Variants in ENTPD5 observed in about 807,000 individuals in gnomAD.
ENTPD5 encodes the protein nucleoside diphosphate phosphatase ENTPD5.
ENTPD5 carries 49 observed loss-of-function variants against 60.2 expected under a neutral mutation model. The ratio of observed to expected loss-of-function variants is 0.81; its 90% CI spans 0.65 to 1.03. The LOEUF (loss-of-function observed/expected upper bound fraction) is 1.03, where lower values mean the gene tolerates loss of function less well. Among genes scored for constraint, ENTPD5 ranks in the 50% least tolerant of loss-of-function variants. The probability of loss-of-function intolerance (pLI) is 0.00; values close to 1 mark genes in which losing one functional copy is unlikely to be tolerated. For synonymous variants in ENTPD5, 187 were observed against 185.4 expected, an observed-to-expected ratio of 1.01 and a Z score of -0.07; for missense variants, 480 against 507.6, an observed-to-expected ratio of 0.95 and a Z score of 0.52.
At chr14:73,980,991 C>T (rs1307333466) in intron 6 of ENTPD5, among the ~76,000 whole-genome samples, 1 of 151,810 alleles carries the variant, frequency 6.6e-6, no homozygotes, top group Non-Finnish European at 1.5e-5. Flanking sequence ...CCCAGCTACT[C>T]GGGAAGCTGA....
intron 6 of ENTPD5, 77 bp from the exon 7 acceptor site, chr14:73,977,451 G>T: frequency 8.9e-7 from 1 of 1,122,860 alleles, no homozygotes. Context: ...ACAGTGTCCT[G>T]TAAGACTTAG....
At chr14:73,981,080 C>A (rs918522186) in intron 6 of ENTPD5, among the ~76,000 whole-genome samples, 5 of 151,880 alleles carry the variant, frequency 3.3e-5, no homozygotes, top group Non-Finnish European at 7.4e-5. Flanking sequence ...GCCTGGGCGA[C>A]AGAGCAAGTC....
At chr14:74,015,186 C>G (rs191419084) in intron 2 of ENTPD5, among the ~76,000 whole-genome samples, 1 of 152,080 alleles carries the variant, frequency 6.6e-6, no homozygotes, top group African/African-American at 2.4e-5. Flanking sequence ...AAGTTGTTCA[C>G]TTAGACTGAT....
downstream of ENTPD5, chr14:73,955,807 G>GT: frequency 6.2e-7 from 1 of 1,614,158 alleles, no homozygotes; most frequent in Non-Finnish European, 8.5e-7. Context: ...GTTTCCAGGT[G>GT]TGGGACGCCT....
chr14:73,982,970 A>C (rs1379182922), intron 6 of ENTPD5, 48 bp downstream of exon 6: 2 of 1,587,602 alleles, frequency 1.3e-6, no homozygotes, highest in South Asian at 2.3e-5. Context: ...TAAAGTATTC[A>C]TATAGGGAAA....
chr14:73,973,954 C>T lies in ENTPD5; in HGVS notation c.809G>A (p.Ser270Asn). ...TEGTDGHTFR[S>N]ACLPRWLEAE... is the part of the protein sequence containing the mutation. Reference sequence around the variant, plus strand: ...TTCCAACCATCTCGGTAAACAGGCACTCCGGAAAGTGTGCCCATCAGTCCC... The same window carrying T: ...TTCCAACCATCTCGGTAAACAGGCATTCCGGAAAGTGTGCCCATCAGTCCC... The change falls in exon 12 of 16, where the codon AGT (serine) becomes AAT (asparagine). Residue 270 changes from serine to asparagine, a missense_variant. Ser to Asn is a conservative substitution (Grantham distance 46). Coordinates refer to ENST00000334696, the MANE Select transcript of ENTPD5 (RefSeq NM_001249.5). 6.2e-7 allele frequency: 1 copy of T among 1,614,120 alleles called. No homozygotes were observed.
intron 1 of ENTPD5, among the ~76,000 whole-genome samples, chr14:74,018,121 G>A (rs1430082611): frequency 6.6e-6 from 1 of 151,568 alleles, no homozygotes; most frequent in Non-Finnish European, 1.5e-5. Context: ...GGTGGAGGTT[G>A]CAGGGAGCCG....
intron 5 of ENTPD5, among the ~76,000 whole-genome samples, chr14:73,984,918 GC>G (rs2057838541): frequency 6.6e-6 from 1 of 152,072 alleles, no homozygotes; most frequent in South Asian, 2.1e-4. Context: ...CCCACGACAG[GC>G]CCCGGTGTGT....
At chr14:73,995,518 C>T (rs2058311050) in intron 3 of ENTPD5, among the ~76,000 whole-genome samples, 1 of 151,490 alleles carries the variant, frequency 6.6e-6, no homozygotes, top group Non-Finnish European at 1.5e-5. Context: ...TGATCGGGCA[C>T]AGTGGCTCAC....
At chr14:74,013,817 T>C (rs1268651787) in intron 2 of ENTPD5, among the ~76,000 whole-genome samples, 1 of 152,204 alleles carries the variant, frequency 6.6e-6, no homozygotes, top group East Asian at 1.9e-4. Context: ...GTTATACAGT[T>C]GGTATTCATT....
intron 3 of ENTPD5, among the ~76,000 whole-genome samples, chr14:74,007,181 G>A (rs1048226833): frequency 6.6e-6 from 1 of 151,958 alleles, no homozygotes; most frequent in South Asian, 2.1e-4. Flanking sequence ...GAGCCTAGAA[G>A]TTCAAGGCCA....
At chr14:74,017,520 G>A (rs2059062666) in intron 1 of ENTPD5, among the ~76,000 whole-genome samples, 1 of 151,620 alleles carries the variant, frequency 6.6e-6, no homozygotes, top group Non-Finnish European at 1.5e-5. Context: ...GGAGGTTGCG[G>A]TGAGCCGAGA....
At chr14:73,986,626 C>T in intron 5 of ENTPD5, 188 bp downstream of exon 5, 3 of 576,892 alleles carry the variant, frequency 5.2e-6, no homozygotes, top group Non-Finnish European at 9.3e-6. Flanking sequence ...TTCTAGCCTT[C>T]TTCCACCCAG....
At chr14:73,962,034 G>A (rs2056761885), downstream of ENTPD5, 1 of 1,062,128 alleles carries the variant, frequency 9.4e-7, no homozygotes, top group Non-Finnish European at 1.4e-6. Flanking sequence ...TGCAGCCTCT[G>A]CCTCCCAGGT....
downstream of ENTPD5, chr14:73,960,591 TCATTCAC>T: frequency 9.6e-7 from 1 of 1,037,924 alleles, no homozygotes; most frequent in Non-Finnish European, 1.2e-6. Context: ...TGCAGTGCAG[TCATTCAC>T]CATTAATTGT....
downstream of ENTPD5, chr14:73,955,922 G>T: frequency 6.2e-7 from 1 of 1,614,088 alleles, no homozygotes; most frequent in Non-Finnish European, 8.5e-7. Flanking sequence ...GTTGGAGGCT[G>T]TGTCTGGTGA....
chr14:74,006,378 G>T (rs1455633937), intron 3 of ENTPD5, among the ~76,000 whole-genome samples: 1 of 151,374 alleles, frequency 6.6e-6, no homozygotes, highest in Non-Finnish European at 1.5e-5. Context: ...CCGCTTCCCG[G>T]GTTCACACCA....
downstream of ENTPD5, chr14:73,959,241 A>T: frequency 6.2e-7 from 1 of 1,614,184 alleles, no homozygotes; most frequent in South Asian, 1.1e-5. Context: ...GGTCCTTCTG[A>T]CCAGTCCGCC....
In ENTPD5 at chr14:73,967,031, A is replaced by G; in HGVS notation, c.1201-17T>C. ...CTTTGTGAGCTGTTGAGAAGAAAAA[A>G]AGTCTTCACCTTTTCATCCAGTTTC... On this transcript the variant is annotated splice_polypyrimidine_tract_variant and intron_variant, in intron 15 of 15. Transcript: ENST00000334696. The G allele has an allele frequency of 6.2e-7, 1 of 1,609,304 alleles. No homozygotes were observed. The highest frequency in any genetic ancestry group is 8.5e-7 in the Non-Finnish European group (1 of 1,175,780).
Sources: gnomAD v4.1 joint callset for allele counts (sites outside exome capture counted in the v4.1 genomes callset) on GRCh38, gnomAD v4.1.1 for gene constraint, MANE v1.5 for transcripts, NCBI Gene and HGNC (gene_info 2026-07-23, HGNC 2026-07-21) for gene names.